The following CUX2 variants were observed in gnomAD, a reference collection of about 807,000 sequenced individuals.
CUX2 encodes the protein cut like homeobox 2, also known as homeobox protein cut-like 2.
Under a neutral mutation model 144.8 loss-of-function variants are expected in CUX2, and 40 were observed. The observed-to-expected ratio is 0.28, with a 90% CI of 0.21 to 0.36. The LOEUF is 0.36. Ranked by LOEUF, CUX2 falls within the 10% of genes least tolerant of loss-of-function variation. CUX2 has a pLI of 1.00. For synonymous variants in CUX2, 827 were observed against 875.6 expected (o/e 0.94, Z 0.98); for missense variants, 1,615 against 1,994.0 (o/e 0.81, Z 3.62).
At chr12:111,245,140 C>T (rs1378165226) in intron 3 of CUX2, among the ~76,000 whole-genome samples, 4 of 152,200 alleles carry the variant, frequency 2.6e-5, no homozygotes, top group Non-Finnish European at 4.4e-5. Context: ...CCAAGGTGAA[C>T]TGTTCTTGGT....
chr12:111,337,004 G>A (rs532705876), intron 19 of CUX2, among the ~76,000 whole-genome samples: 124 of 151,630 alleles, frequency 8.2e-4, no homozygotes, highest in African/African-American at 2.8e-3. Flanking sequence ...GCGAAACCCC[G>A]TCTCTACAAA....
rs1327572662 is a variant in CUX2, at chr12:111,350,288, C to G, written c.*1963C>G. 6.6e-6 allele frequency: 1 copy of G among 152,450 alleles called. No individual in the cohort carries two copies. Among genetic ancestry groups the G allele is most frequent in the African/African-American group, 2.4e-5 (1 of 41,440 alleles). The allele number at this position is 152,450 out of a possible 1,614,324, so 9.4% of individuals were successfully genotyped here. Reference sequence around the variant, plus strand: ...GTTGAAATCCAGGCTTATACGCAGACTCCGATTCCTAGAGAACTAAATTTG... The same window carrying G: ...GTTGAAATCCAGGCTTATACGCAGAGTCCGATTCCTAGAGAACTAAATTTG... On this transcript the variant is annotated 3_prime_UTR_variant, in exon 22 of 22. Coordinates refer to ENST00000261726, the MANE Select transcript of CUX2 (RefSeq NM_015267.4).
intron 21 of CUX2, among the ~76,000 whole-genome samples, chr12:111,345,974 A>G (rs28844095): frequency 0.37 from 54,795 of 148,762 alleles, 12,238 homozygotes; most frequent in East Asian, 0.81. Flanking sequence ...GCATGGTGAC[A>G]TGCACCTGTA....
intron 9 of CUX2, among the ~76,000 whole-genome samples, chr12:111,301,644 A>G (rs1262355844): frequency 6.6e-6 from 1 of 152,172 alleles, no homozygotes; most frequent in African/African-American, 2.4e-5. Flanking sequence ...AGCAAGGACT[A>G]CAGGCTCACA....
chr12:111,303,003 C>T (rs186207983), intron 9 of CUX2, among the ~76,000 whole-genome samples: 1 of 151,754 alleles, frequency 6.6e-6, no homozygotes, highest in African/African-American at 2.4e-5. Context: ...AAGTGGGTTA[C>T]TTGAACCCAG....
chr12:111,172,013 G>A (rs1325079982), intron 1 of CUX2, among the ~76,000 whole-genome samples: 3 of 152,088 alleles, frequency 2.0e-5, no homozygotes, highest in Non-Finnish European at 2.9e-5. Context: ...GCGCATGTGT[G>A]TGCATATGCC....
intron 8 of CUX2, among the ~76,000 whole-genome samples, chr12:111,297,568 C>G (rs1275138318): frequency 6.6e-6 from 1 of 152,220 alleles, no homozygotes; most frequent in African/African-American, 2.4e-5. Context: ...CTCCCCAGCT[C>G]CACACTCCAA....
At chr12:111,162,646 T>G (rs1285353251) in intron 1 of CUX2, among the ~76,000 whole-genome samples, 1 of 152,242 alleles carries the variant, frequency 6.6e-6, no homozygotes, top group Non-Finnish European at 1.5e-5. Flanking sequence ...AGTGCGTGTA[T>G]GTTTCTTGAA....
chr12:111,107,249 T>C (rs1259408385), intron 1 of CUX2, among the ~76,000 whole-genome samples: 1 of 152,206 alleles, frequency 6.6e-6, no homozygotes, highest in African/African-American at 2.4e-5. Context: ...CCGGTGGCCT[T>C]CCTGCTCTGT....
At chr12:111,275,149 T>C (rs2136306552) in intron 4 of CUX2, among the ~76,000 whole-genome samples, 3 of 152,286 alleles carry the variant, frequency 2.0e-5, no homozygotes, top group Middle Eastern at 6.8e-3. Context: ...GCCATTTTAC[T>C]AAGTAGTTTG....
intron 4 of CUX2, among the ~76,000 whole-genome samples, chr12:111,264,837 G>A (rs914758126): frequency 2.0e-5 from 3 of 152,104 alleles, no homozygotes; most frequent in African/African-American, 2.4e-5. Context: ...AGAAACCAAG[G>A]CCACATAGTG....
At position 111,277,710 on chromosome 12, in the gene CUX2, C is replaced by T. The variant is rs1884943837; in HGVS notation, c.302-13708C>T. Among the ~76,000 whole-genome samples, 1 of 152,264 alleles carries T rather than the reference C, an allele frequency of 6.6e-6. No homozygotes were observed. Among genetic ancestry groups the T allele is most frequent in the South Asian group, 2.1e-4 (1 of 4,830 alleles). Reference sequence around the variant, plus strand: ...CTTTCCCTGACACACAGCAGGCACTCGGGAAATATTTGGCAACTGAAGAAA... The same window carrying T: ...CTTTCCCTGACACACAGCAGGCACTTGGGAAATATTTGGCAACTGAAGAAA... On this transcript the variant is annotated intron_variant, in intron 4 of 21. Transcript: ENST00000261726. This position sits in a 1 kb window ranked among gnomAD's most constrained non-coding sequence, Gnocchi z 5.0.
chr12:111,204,839 G>A (rs1880818636), intron 1 of CUX2, among the ~76,000 whole-genome samples: 1 of 152,174 alleles, frequency 6.6e-6, no homozygotes, highest in South Asian at 2.1e-4. Context: ...TCACAGCACT[G>A]GGAGTTTGCT....
chr12:111,080,481 G>T (rs1431842868), intron 1 of CUX2, among the ~76,000 whole-genome samples: 10 of 151,862 alleles, frequency 6.6e-5, no homozygotes, highest in Admixed American at 3.3e-4. Flanking sequence ...AGACCAGCCT[G>T]GGCAATGCAG....
At chr12:111,286,754 A>G (rs1182592676) in intron 4 of CUX2, among the ~76,000 whole-genome samples, 1 of 152,122 alleles carries the variant, frequency 6.6e-6, no homozygotes, top group Non-Finnish European at 1.5e-5. Context: ...CTGTAGTCCC[A>G]GCTACTCGGG....
chr12:111,101,679 G>T (rs563062109), intron 1 of CUX2, among the ~76,000 whole-genome samples: 5 of 152,328 alleles, frequency 3.3e-5, no homozygotes, highest in African/African-American at 9.6e-5. Flanking sequence ...CCTTGGGCAT[G>T]TTGCTGAGCT....
intron 1 of CUX2, among the ~76,000 whole-genome samples, chr12:111,072,778 G>T (rs1871303384): frequency 1.3e-5 from 2 of 152,190 alleles, no homozygotes; most frequent in Admixed American, 1.3e-4. Context: ...CCCCATCAAG[G>T]CAGGGAGCCC....
At position 111,059,099 on chromosome 12, in the gene CUX2, G is replaced by A. The variant is rs778543945; in HGVS notation, c.63+24859G>A. Reference sequence around the variant, plus strand: ...CTTAACCGTAAACATCTAGAGGCTCGGAATGCTGAACTTTCTGAGGATGCA... The same window carrying A: ...CTTAACCGTAAACATCTAGAGGCTCAGAATGCTGAACTTTCTGAGGATGCA... On this transcript the variant is annotated intron_variant, in intron 1 of 21. Transcript: ENST00000261726. The surrounding 1 kb of genome is among the most constrained non-coding windows in gnomAD (Gnocchi z 5.3). 6.6e-6 allele frequency among the ~76,000 whole-genome samples: 1 copy of A among 152,176 alleles called. No individual in the cohort carries two copies. The highest frequency in any genetic ancestry group is 1.5e-5 in the Non-Finnish European group (1 of 68,038).
At chr12:111,342,372 T>C (rs544129376) in intron 21 of CUX2, among the ~76,000 whole-genome samples, 90 of 152,048 alleles carry the variant, frequency 5.9e-4, no homozygotes, top group Non-Finnish European at 1.0e-3. Flanking sequence ...TCCCAGCTAC[T>C]TGGGAGGCCG....
Sources: gnomAD v4.1 joint callset for allele counts (sites outside exome capture counted in the v4.1 genomes callset) on GRCh38, gnomAD v4.1.1 for gene constraint, Gnocchi (gnomAD v3.1) non-coding constraint, MANE v1.5 for transcripts, NCBI Gene and HGNC (gene_info 2026-07-23, HGNC 2026-07-21) for gene names.